Variants in GLB1 observed in about 807,000 individuals in gnomAD.
GLB1 encodes the protein beta-galactosidase.
A neutral mutation model predicts 74.0 loss-of-function variants in GLB1; 56 were observed. The observed-to-expected ratio is 0.76, with a 90% CI of 0.61 to 0.94. GLB1 has a LOEUF of 0.94. GLB1 is among the 40% of genes least tolerant of loss of function. The probability of loss-of-function intolerance (pLI) is 0.00; values close to 1 mark genes in which losing one functional copy is unlikely to be tolerated. For synonymous variants in GLB1, 323 were observed against 323.6 expected, an observed-to-expected ratio of 1.00 and a Z score of 0.02; for missense variants, 787 against 845.5, an observed-to-expected ratio of 0.93 and a Z score of 0.86.
At chr3:33,007,958 GCTAT>G (rs1409124601) in intron 15 of GLB1, among the ~76,000 whole-genome samples, 1 of 152,174 alleles carries the variant, frequency 6.6e-6, no homozygotes, top group Non-Finnish European at 1.5e-5. Context: ...AAGTTACTTA[GCTAT>G]CTAAGCCTCC....
the GLB1 span, among the ~76,000 whole-genome samples, chr3:32,986,228 T>C: frequency 6.6e-6 from 1 of 152,226 alleles, no homozygotes; most frequent in South Asian, 2.1e-4. Flanking sequence ...ATGCTGCTGA[T>C]GCCCATCCAA....
At chr3:33,092,365 C>A in intron 1 of GLB1, 2 of 987,954 alleles carry the variant, frequency 2.0e-6, no homozygotes, top group Non-Finnish European at 2.4e-6. Context: ...AATTACCTGG[C>A]AACACTACCC....
intron 10 of GLB1, chr3:33,034,580 G>T: frequency 1.4e-6 from 1 of 717,986 alleles, no homozygotes; most frequent in Non-Finnish European, 2.6e-6. Context: ...GACCTGTGAT[G>T]ATGCCTTGGG....
At chr3:33,047,122 C>T (rs1698772511) in intron 9 of GLB1, among the ~76,000 whole-genome samples, 1 of 152,216 alleles carries the variant, frequency 6.6e-6, no homozygotes, top group Non-Finnish European at 1.5e-5. Flanking sequence ...CTCCAGAGAG[C>T]ACAATCAATA....
intron 2 of GLB1, 56 bp from the exon 3 acceptor site, chr3:33,069,026 A>T (rs925987918): frequency 8.7e-6 from 14 of 1,613,762 alleles, no homozygotes; most frequent in Non-Finnish European, 1.2e-5. Flanking sequence ...AGAAGAAAGA[A>T]GCGTGGGGAA....
intron 5 of GLB1, among the ~76,000 whole-genome samples, chr3:33,064,764 G>A (rs1699601520): frequency 1.0e-5 from 1 of 96,386 alleles, no homozygotes; most frequent in Admixed American, 1.7e-4. Context: ...GCAACGGAAT[G>A]AGACTCTCTC....
chr3:33,067,170 T>C lies in GLB1; in HGVS notation c.457+1060A>G, dbSNP rs376706127. On this transcript the variant is annotated intron_variant, in intron 4 of 15. Coordinates refer to ENST00000307363, the MANE Select transcript of GLB1 (RefSeq NM_000404.4). ...GGCATGCACCACCACACCCAGCTAATTTTGTATTTTTTAGTAGAGACAGGG... is the reference window on the plus strand; with the variant it reads ...GGCATGCACCACCACACCCAGCTAACTTTGTATTTTTTAGTAGAGACAGGG... Among the ~76,000 whole-genome samples, 19 of 152,046 alleles carry C rather than the reference T, an allele frequency of 1.2e-4. No individual in the cohort carries two copies. In the East Asian group the frequency reaches 2.1e-3, roughly 17 times the overall value.
chr3:33,087,579 G>GCACA lies in GLB1; in HGVS notation c.75+9428_75+9431dup, dbSNP rs57935919. Among the ~76,000 whole-genome samples the GCACA allele has an allele frequency of 2.5e-4, 35 of 141,898 alleles. 1 individual carries two copies. Among genetic ancestry groups the GCACA allele is most frequent in the African/African-American group, 7.4e-4 (28 of 37,718 alleles). 93.1% of individuals were successfully genotyped at this position (141,898 alleles called of 152,430 possible). A position where few individuals can be genotyped will look rare whatever the true frequency, so the allele number is the denominator to read the frequency against. ...AGCAAGACCATGTCTCAGCATGCGC[G>GCACA]CACACACACACACACACACACACAC... On this transcript the variant is annotated intron_variant, in intron 1 of 15. Coordinates refer to ENST00000307363, the MANE Select transcript of GLB1 (RefSeq NM_000404.4).
chr3:33,091,012 A>G, intron 1 of GLB1: 1 of 985,452 alleles, frequency 1.0e-6, no homozygotes, highest in African/African-American at 1.7e-5. Flanking sequence ...AACCAGTGAA[A>G]TAACACGTAA....
chr3:32,980,649 C>T, the GLB1 span, among the ~76,000 whole-genome samples: 2 of 151,550 alleles, frequency 1.3e-5, no homozygotes, highest in Non-Finnish European at 2.9e-5. Context: ...GGCATGGTGG[C>T]GTGTGCCTGT....
chr3:33,091,052 A>T, intron 1 of GLB1: 1 of 985,468 alleles, frequency 1.0e-6, no homozygotes, highest in South Asian at 4.7e-5. Context: ...CAGCCGCATC[A>T]AACAGTGGAA....
chr3:33,064,355 G>A (rs761870938), intron 5 of GLB1, among the ~76,000 whole-genome samples: 9 of 149,688 alleles, frequency 6.0e-5, no homozygotes, highest in East Asian at 2.0e-4. Flanking sequence ...CAGGAGGGTC[G>A]CCTGAACCTG....
intron 9 of GLB1, among the ~76,000 whole-genome samples, chr3:33,046,637 C>T (rs68055727): frequency 0.21 from 32,061 of 152,058 alleles, 3,880 homozygotes; most frequent in East Asian, 0.57. Flanking sequence ...AACTTTTTCA[C>T]GTCCTCAAGC....
chr3:33,009,146 TA>T (rs1330031545), intron 15 of GLB1, among the ~76,000 whole-genome samples: 2 of 150,240 alleles, frequency 1.3e-5, no homozygotes, highest in East Asian at 3.9e-4. Flanking sequence ...AATAAATAAA[TA>T]AATAAATAAA....
chr3:32,978,259 CTGAT>C, the GLB1 span, among the ~76,000 whole-genome samples: 3 of 152,296 alleles, frequency 2.0e-5, no homozygotes, highest in South Asian at 6.2e-4. Flanking sequence ...CATAAACAAA[CTGAT>C]TGTGAGATTC....
chr3:33,028,012 T>G (rs1697841905), intron 10 of GLB1, among the ~76,000 whole-genome samples: 1 of 152,130 alleles, frequency 6.6e-6, no homozygotes, highest in Non-Finnish European at 1.5e-5. Context: ...GTGATCCTCC[T>G]GTCTCAGCCT....
chr3:33,046,958 A>G lies in GLB1; in HGVS notation c.956-726T>C, dbSNP rs76243169. ...TGGCCTGTGCTGAGCTGCCTCACCC[A>G]AGGTTACAACCCTCAGGGATAGCCC... is the stretch of plus-strand genomic sequence containing the variant. On this transcript the variant is annotated intron_variant, in intron 9 of 15. Transcript: ENST00000307363. Among the ~76,000 whole-genome samples, 1,315 of 152,240 alleles carry G rather than the reference A, an allele frequency of 8.6e-3. 21 individuals carry two copies. Among genetic ancestry groups the G allele is most frequent in the African/African-American group, 0.029 (1,208 of 41,526 alleles).
At chr3:32,991,808 G>C (rs1459615714), downstream of GLB1, among the ~76,000 whole-genome samples, 6 of 152,186 alleles carry the variant, frequency 3.9e-5, no homozygotes, top group Non-Finnish European at 5.9e-5. Flanking sequence ...GATGGTTCTG[G>C]TACCCAGCAG....
At chr3:32,965,302 A>G in the GLB1 span, among the ~76,000 whole-genome samples, 1 of 152,232 alleles carries the variant, frequency 6.6e-6, no homozygotes, top group Non-Finnish European at 1.5e-5. Flanking sequence ...CTTAGATCAA[A>G]ATGCTGATAG....
Sources: gnomAD v4.1 joint callset for allele counts (sites outside exome capture counted in the v4.1 genomes callset) on GRCh38, gnomAD v4.1.1 for gene constraint, MANE v1.5 for transcripts, NCBI Gene and HGNC (gene_info 2026-07-23, HGNC 2026-07-21) for gene names.